The following SLCO1B1 variants were observed in gnomAD, a reference collection of about 807,000 sequenced individuals.
The protein encoded by SLCO1B1 is OATP-2.
Under a neutral mutation model 70.1 loss-of-function variants are expected in SLCO1B1, and 81 were observed. That is an observed-to-expected ratio of 1.16 (90% confidence interval 0.97 to 1.39). The LOEUF (loss-of-function observed/expected upper bound fraction) is 1.39. Among genes scored for constraint, SLCO1B1 ranks in the 40% most tolerant of loss-of-function variants. The pLI, the probability that SLCO1B1 is intolerant of heterozygous loss-of-function variation, is 0.00. For synonymous variants in SLCO1B1, 283 were observed against 271.5 expected (o/e 1.04, Z -0.42); for missense variants, 895 against 799.6 (o/e 1.12, Z -1.44).
chr12:21,229,590 T>C (rs1434549445), intron 14 of SLCO1B1, among the ~76,000 whole-genome samples: 2 of 152,214 alleles, frequency 1.3e-5, no homozygotes, highest in African/African-American at 2.4e-5. Flanking sequence ...TATTCCATTG[T>C]CTAGATGTAT....
intron 12 of SLCO1B1, among the ~76,000 whole-genome samples, chr12:21,217,678 T>C (rs1463842361): frequency 6.6e-6 from 1 of 152,162 alleles, no homozygotes; most frequent in Non-Finnish European, 1.5e-5. Context: ...TTGATTTCAC[T>C]AAAATAAAGC....
At chr12:21,166,861 T>C (rs1441017108) in intron 2 of SLCO1B1, among the ~76,000 whole-genome samples, 3 of 152,194 alleles carry the variant, frequency 2.0e-5, no homozygotes, top group East Asian at 1.9e-4. Context: ...AGCAGCCTTA[T>C]TGATAATTGC....
intron 11 of SLCO1B1, among the ~76,000 whole-genome samples, chr12:21,216,057 T>A (rs1429319153): frequency 2.6e-5 from 4 of 152,180 alleles, no homozygotes; most frequent in African/African-American, 9.6e-5. Flanking sequence ...AAAAGAATTG[T>A]GTCTACCACA....
chr12:21,238,725 G>T (rs1053238043), intron 14 of SLCO1B1, among the ~76,000 whole-genome samples: 3 of 151,970 alleles, frequency 2.0e-5, no homozygotes, highest in African/African-American at 7.3e-5. Context: ...GCTTAACAGG[G>T]CTTGAGTTGT....
chr12:21,172,554 A>T, intron 2 of SLCO1B1, 96 bp from the exon 3 acceptor site: 1 of 1,344,610 alleles, frequency 7.4e-7, no homozygotes, highest in Non-Finnish European at 1.1e-6. Flanking sequence ...TAATGTTTTT[A>T]AGTAAAGAAG....
intron 10 of SLCO1B1, 64 bp downstream of exon 10, chr12:21,202,750 A>C (rs1941173577): frequency 1.6e-6 from 2 of 1,283,720 alleles, no homozygotes; most frequent in Admixed American, 3.7e-5. Flanking sequence ...GTCTCTGTAT[A>C]AGTAATATAA....
At chr12:21,234,055 A>G (rs1189924652) in intron 14 of SLCO1B1, among the ~76,000 whole-genome samples, 1 of 152,246 alleles carries the variant, frequency 6.6e-6, no homozygotes, top group Non-Finnish European at 1.5e-5. Flanking sequence ...GCTGTGCAGT[A>G]CACCAGAGTT....
intron 1 of SLCO1B1, among the ~76,000 whole-genome samples, chr12:21,134,214 G>A (rs140132651): frequency 1.3e-5 from 2 of 152,144 alleles, no homozygotes; most frequent in Non-Finnish European, 2.9e-5. Context: ...GCTTTTTGAT[G>A]TGCTGTTGGA....
At chr12:21,148,670 C>G (rs996880004) in intron 2 of SLCO1B1, among the ~76,000 whole-genome samples, 1 of 128,100 alleles carries the variant, frequency 7.8e-6, no homozygotes, top group Non-Finnish European at 1.7e-5. Flanking sequence ...GTTCTTTTTG[C>G]TTAGGATTGT....
At chr12:21,152,998 A>G (rs574766494) in intron 2 of SLCO1B1, among the ~76,000 whole-genome samples, 22 of 152,292 alleles carry the variant, frequency 1.4e-4, no homozygotes, top group African/African-American at 3.4e-4. Flanking sequence ...CAGTTTATCA[A>G]TTATAGTGAA....
chr12:21,163,634 G>C (rs904302704), intron 2 of SLCO1B1, among the ~76,000 whole-genome samples: 2 of 152,130 alleles, frequency 1.3e-5, no homozygotes, highest in Admixed American at 1.3e-4. Context: ...TGCCAGTATG[G>C]TTAGCTTCTG....
intron 5 of SLCO1B1, 93 bp from the exon 6 acceptor site, chr12:21,178,483 T>A (rs1296842084): frequency 1.5e-5 from 14 of 905,510 alleles, no homozygotes; most frequent in Non-Finnish European, 1.7e-5. Context: ...TAAAAAAAAA[T>A]AAGTAGAATA....
intron 11 of SLCO1B1, among the ~76,000 whole-genome samples, chr12:21,213,852 C>T (rs1416496552): frequency 1.1e-4 from 17 of 150,200 alleles, no homozygotes; most frequent in Non-Finnish European, 2.1e-4. Context: ...TCCAGTTGAT[C>T]GCATCGGCTC....
intron 8 of SLCO1B1, among the ~76,000 whole-genome samples, chr12:21,199,079 T>C (rs756599989): frequency 6.6e-6 from 1 of 152,114 alleles, no homozygotes; most frequent in African/African-American, 2.4e-5. Context: ...CATTTTCTTA[T>C]CTCTTCTTTT....
chr12:21,147,898 G>A (rs114650312), intron 2 of SLCO1B1, among the ~76,000 whole-genome samples: 2,109 of 152,080 alleles, frequency 0.014, 60 homozygotes, highest in African/African-American at 0.048. Flanking sequence ...TTTAATGATC[G>A]CTTCCAACTG....
At chr12:21,136,282 C>G (rs1401658353) in intron 1 of SLCO1B1, among the ~76,000 whole-genome samples, 1 of 152,114 alleles carries the variant, frequency 6.6e-6, no homozygotes, top group Non-Finnish European at 1.5e-5. Context: ...TTCATTTCAA[C>G]TTTGGTGAAT....
Position 21,172,727 on chromosome 12 carries a change from T to C in SLCO1B1, c.162T>C (p.His54=). The C allele has an allele frequency of 6.2e-7, 1 of 1,613,456 alleles. No homozygotes were observed. Residue 54 remains histidine, a synonymous_variant, in exon 3 of 15, where the codon CAT becomes CAC. Coordinates refer to ENST00000256958, the MANE Select transcript of SLCO1B1 (RefSeq NM_006446.5). ...GAIIMKSSII[H]IERRFEISSS... is the part of the protein sequence containing the mutation. ...TTATTATGAAAAGTTCCATCATTCA[T>C]ATAGAACGGAGATTTGAGATATCCT...
chr12:21,219,251 G>A lies in SLCO1B1; in HGVS notation c.1682+1948G>A, dbSNP rs138506549. On this transcript the variant is annotated intron_variant, in intron 12 of 14. Transcript: ENST00000256958. ...AGGCAAGAGATACTAGTTCAGATAT[G>A]GTGCTTTGGAAGTCCTTTGAGTAAA... Among the ~76,000 whole-genome samples the A allele has an allele frequency of 1.4e-4, 22 of 152,276 alleles. No homozygotes were observed. In the East Asian group the frequency reaches 4.2e-3, roughly 29 times the overall value.
Position 21,239,457 on chromosome 12 carries a change from G to A in SLCO1B1, c.*268G>A, listed in dbSNP as rs934816707. Among the ~76,000 whole-genome samples the A allele has an allele frequency of 4.3e-4, 66 of 152,144 alleles. 5 individuals carry two copies. ...AATTAAAGTGAGAGACATGGTTACT[G>A]TGTAATAAAAGAAAAAATACTTGTT... On this transcript the variant is annotated 3_prime_UTR_variant, in exon 15 of 15. Coordinates refer to ENST00000256958, the MANE Select transcript of SLCO1B1 (RefSeq NM_006446.5).
Sources: gnomAD v4.1 joint callset for allele counts (sites outside exome capture counted in the v4.1 genomes callset) on GRCh38, gnomAD v4.1.1 for gene constraint, MANE v1.5 for transcripts, NCBI Gene and HGNC (gene_info 2026-07-23, HGNC 2026-07-21) for gene names.